The following FAT1 variants were observed in gnomAD, a reference collection of about 807,000 sequenced individuals.
The protein encoded by FAT1 is FAT atypical cadherin 1.
In FAT1, 171 loss-of-function variants were observed where a neutral mutation model predicts 329.8. The observed-to-expected ratio is 0.52, with a 90% CI of 0.46 to 0.59. The LOEUF (loss-of-function observed/expected upper bound fraction) is 0.59. Among genes scored for constraint, FAT1 ranks in the 20% least tolerant of loss-of-function variants. The pLI is 0.00. For synonymous variants in FAT1, 2,233 were observed against 2,228.6 expected, an observed-to-expected ratio of 1.00 and a Z score of -0.06; for missense variants, 5,672 against 5,774.4, an observed-to-expected ratio of 0.98 and a Z score of 0.57.
At chr4:186,710,098 G>C (rs369983948) in intron 1 of FAT1, among the ~76,000 whole-genome samples, 1 of 152,090 alleles carries the variant, frequency 6.6e-6, no homozygotes, top group South Asian at 2.1e-4. Context: ...ATATTTAAAC[G>C]ACTCAAAAAT....
chr4:186,627,801 G>A (rs1257454116), intron 9 of FAT1, among the ~76,000 whole-genome samples: 2 of 152,168 alleles, frequency 1.3e-5, no homozygotes, highest in Non-Finnish European at 2.9e-5. Flanking sequence ...TAGGCAAGCA[G>A]CTTCCTAAGT....
intron 2 of FAT1, among the ~76,000 whole-genome samples, chr4:186,695,971 A>T (rs1744013507): frequency 6.6e-6 from 1 of 152,246 alleles, no homozygotes; most frequent in African/African-American, 2.4e-5. Flanking sequence ...TTGTATTTTT[A>T]GTAGAGACAG....
At chr4:186,651,747 T>TCA (rs1261257072) in intron 3 of FAT1, among the ~76,000 whole-genome samples, 1 of 152,158 alleles carries the variant, frequency 6.6e-6, no homozygotes, top group Non-Finnish European at 1.5e-5. Flanking sequence ...AGCTTCTCCT[T>TCA]CACTTTATCA....
rs539365995 is a variant in FAT1, at chr4:186,627,512, G to A, written c.4810+642C>T. Among the ~76,000 whole-genome samples, 5 of 151,694 alleles carry A rather than the reference G, an allele frequency of 3.3e-5. No individual in the cohort carries two copies. In the South Asian group the frequency reaches 6.2e-4, roughly 19 times the overall value. On this transcript the variant is annotated intron_variant, in intron 9 of 26. Coordinates refer to ENST00000441802, the MANE Select transcript of FAT1 (RefSeq NM_005245.4). The stretch of plus-strand genomic sequence containing the variant: ...CTGGGTCCCGGAACCGTCCAGGACC[G>A]CAGCTCCAGCTGTTTTTTTTGCTGC...
chr4:186,667,139 C>G (rs1742480728), intron 2 of FAT1, among the ~76,000 whole-genome samples: 1 of 152,214 alleles, frequency 6.6e-6, no homozygotes, highest in Non-Finnish European at 1.5e-5. Context: ...ACCCTCACAT[C>G]TGAGGTTTGC....
intron 2 of FAT1, among the ~76,000 whole-genome samples, chr4:186,703,806 CTT>C (rs564848759): frequency 1.9e-3 from 283 of 152,364 alleles, no homozygotes; most frequent in African/African-American, 6.4e-3. Flanking sequence ...CCCTCCATCT[CTT>C]CACCTGACAC....
chr4:186,610,588 A>T (rs11726472), intron 14 of FAT1, among the ~76,000 whole-genome samples: 4 of 144,524 alleles, frequency 2.8e-5, no homozygotes, highest in Admixed American at 2.1e-4. Context: ...ATAAATATAA[A>T]TTATATAAAT....
chr4:186,653,053 C>T (rs1741740428), intron 3 of FAT1, among the ~76,000 whole-genome samples: 1 of 152,060 alleles, frequency 6.6e-6, no homozygotes, highest in Non-Finnish European at 1.5e-5. Context: ...CTGTATAACG[C>T]CGTCCTCTAA....
Position 186,599,493 on chromosome 4 carries a change from T to C in FAT1, c.12103+405A>G, listed in dbSNP as rs186880823. 1.8e-4 allele frequency among the ~76,000 whole-genome samples: 27 copies of C among 152,232 alleles called. No individual in the cohort carries two copies. The East Asian group carries it at 4.3e-3, about 24-fold the overall frequency. On this transcript the variant is annotated intron_variant, in intron 22 of 26. Coordinates refer to ENST00000441802, the MANE Select transcript of FAT1 (RefSeq NM_005245.4). ...TGGAAAATCATATTCCCAACTATTA[T>C]TGCCAGCAAGAATCTAGCAGGCCCC... is the stretch of plus-strand genomic sequence containing the variant.
chr4:186,709,273 G>C lies in FAT1; in HGVS notation c.555C>G (p.Tyr185Ter). The C allele has an allele frequency of 6.2e-7, 1 of 1,613,984 alleles. No individual in the cohort carries two copies. The highest frequency in any genetic ancestry group is 8.5e-7 in the Non-Finnish European group (1 of 1,179,890). ...DADIGTNGEF[Y>*]YSFKDRTDMF... ...TATCTGTTCGATCTTTAAAACTGTA[G>C]TAAAATTCCCCGTTGGTTCCTATGT... Residue 185 changes from tyrosine to a stop codon, truncating the protein, a stop_gained, in exon 2 of 27, where the codon TAC becomes TAG. Coordinates refer to ENST00000441802, the MANE Select transcript of FAT1 (RefSeq NM_005245.4). LOFTEE classifies it high-confidence loss of function.
intron 1 of FAT1, among the ~76,000 whole-genome samples, chr4:186,717,367 T>C (rs781271593): frequency 4.6e-5 from 7 of 152,224 alleles, no homozygotes; most frequent in African/African-American, 7.2e-5. Context: ...GCTTGGTATA[T>C]GTCATTTAAT....
chr4:186,685,085 C>T (rs996228027), intron 2 of FAT1, among the ~76,000 whole-genome samples: 5 of 152,144 alleles, frequency 3.3e-5, no homozygotes, highest in African/African-American at 9.7e-5. Flanking sequence ...TAACCAGGAG[C>T]GCACATTCCT....
chr4:186,606,247 T>G (rs766413965), intron 16 of FAT1, 34 bp from the exon 17 acceptor site: 1 of 1,610,570 alleles, frequency 6.2e-7, no homozygotes, highest in Non-Finnish European at 8.5e-7. Flanking sequence ...CACGTTCATT[T>G]TCACAAGGCC....
intron 24 of FAT1, chr4:186,597,395 G>GA (rs1156462845): frequency 1.0e-5 from 6 of 589,844 alleles, no homozygotes; most frequent in Non-Finnish European, 1.5e-5. Context: ...ATTTGGGAAG[G>GA]AAACATATCA....
In FAT1 at chr4:186,708,013, C is replaced by G. The variant is rs2126693136; in HGVS notation, c.1815G>C (p.Gln605His). 1 of 1,613,914 alleles carries G rather than the reference C, an allele frequency of 6.2e-7. No homozygotes were observed. The highest frequency in any genetic ancestry group is 8.5e-7 in the Non-Finnish European group (1 of 1,179,880). Residue 605 changes from glutamine to histidine, a missense_variant, in exon 2 of 27, where the codon CAG (glutamine) becomes CAC (histidine). Around this residue, in one of 2 missense-constraint regions of FAT1, gnomAD observed 3,966 missense variants for 3,915.2 expected, o/e 1.01. Transcript: ENST00000441802. ...DADELQLVQY[Q>H]IEAGNELDFF... is the part of the protein sequence containing the mutation. ...AATCCAGTTCATTTCCAGCTTCAAT[C>G]TGATACTGTACCAACTGAAGTTCAT...
intron 2 of FAT1, among the ~76,000 whole-genome samples, chr4:186,702,369 A>G (rs1744372093): frequency 6.6e-6 from 1 of 152,214 alleles, no homozygotes; most frequent in Non-Finnish European, 1.5e-5. Flanking sequence ...CTCTTATCTT[A>G]ATGAAAAACA....
intron 2 of FAT1, among the ~76,000 whole-genome samples, chr4:186,698,469 A>G (rs1244430002): frequency 6.6e-6 from 1 of 152,248 alleles, no homozygotes; most frequent in African/African-American, 2.4e-5. Flanking sequence ...TAAATAAACA[A>G]TTACACTAGA....
chr4:186,620,290 A>G lies in FAT1; in HGVS notation c.6296T>C (p.Val2099Ala), dbSNP rs2126514205. 6.2e-7 allele frequency: 1 copy of G among 1,613,996 alleles called. No homozygotes were observed. The highest frequency in any genetic ancestry group is 1.6e-4 in the Middle Eastern group (1 of 6,062). The change falls in exon 10 of 27, where the codon GTC becomes GCC. Residue 2099 changes from valine (V) to alanine (A), a missense_variant. This residue lies in a region of FAT1 where 3,966 missense variants were observed against 3,915.2 expected (regional missense o/e 1.01). Coordinates refer to ENST00000441802, the MANE Select transcript of FAT1 (RefSeq NM_005245.4). ...VVKVDTEVGH[V>A]IRYVTAVDRD... ...GTCTACAGCAGTGACATAGCGAATGACATGGCCCACCTCAGTGTCCACTTT... is the reference window on the plus strand; with the variant it reads ...GTCTACAGCAGTGACATAGCGAATGGCATGGCCCACCTCAGTGTCCACTTT...
intron 2 of FAT1, among the ~76,000 whole-genome samples, chr4:186,681,108 G>T (rs1743186494): frequency 6.6e-6 from 1 of 152,150 alleles, no homozygotes; most frequent in Non-Finnish European, 1.5e-5. Flanking sequence ...GTGAATGTAG[G>T]TTTTATTCTC....
Sources: allele counts gnomAD v4.1 joint callset (sites outside exome capture counted in the v4.1 genomes callset), GRCh38; gene constraint gnomAD v4.1.1; regional missense constraint gnomAD v4.1.1; transcripts MANE v1.5; gene names NCBI Gene and HGNC (gene_info 2026-07-23, HGNC 2026-07-21).